Variants in PTPN9 observed in about 807,000 individuals in gnomAD.
PTPN9 encodes the protein protein tyrosine phosphatase non-receptor type 9.
A neutral mutation model predicts 69.8 loss-of-function variants in PTPN9; 26 were observed. That is an observed-to-expected ratio of 0.37 (90% CI 0.27 to 0.52). The LOEUF is 0.52. Among genes scored for constraint, PTPN9 ranks in the 20% least tolerant of loss-of-function variants. PTPN9 has a pLI of 0.91. For missense variants in PTPN9, 549 were observed against 740.3 expected (o/e 0.74, Z 3.00); for synonymous variants, 274 against 272.5 (o/e 1.01, Z -0.05).
At chr15:75,484,214 A>G (rs1398026009) in intron 8 of PTPN9, among the ~76,000 whole-genome samples, 4 of 152,140 alleles carry the variant, frequency 2.6e-5, no homozygotes, top group Non-Finnish European at 5.9e-5. Flanking sequence ...GAACTATATA[A>G]CTCAATAGAA....
In PTPN9 at chr15:75,473,686, C is replaced by G. The variant is rs772438322; in HGVS notation, c.1208+3G>C. 6.4e-7 allele frequency: 1 copy of G among 1,550,994 alleles called. No homozygotes were observed. Among genetic ancestry groups the G allele is most frequent in the Non-Finnish European group, 8.9e-7 (1 of 1,122,582 alleles). On this transcript the variant is annotated splice_donor_region_variant and intron_variant, in intron 10 of 12. Transcript: ENST00000618819. The stretch of plus-strand genomic sequence containing the variant: ...GACCTTTGGAAAAAAGGGATTAACT[C>G]ACCGGGTGGTCATGACAATCACCAA...
intron 4 of PTPN9, among the ~76,000 whole-genome samples, chr15:75,521,417 A>T (rs1367141540): frequency 1.3e-5 from 2 of 151,910 alleles, no homozygotes; most frequent in African/African-American, 4.8e-5. Flanking sequence ...GCGCCACTGC[A>T]CTCCAGCCTG....
At chr15:75,502,463 AGAG>A (rs1171609628) in intron 7 of PTPN9, among the ~76,000 whole-genome samples, 1 of 152,014 alleles carries the variant, frequency 6.6e-6, no homozygotes, top group South Asian at 2.1e-4. Flanking sequence ...GAAAAAAAAA[AGAG>A]AGGGAGGGAG....
At chr15:75,493,479 G>GAAAATAT (rs1204985057) in intron 7 of PTPN9, among the ~76,000 whole-genome samples, 4 of 151,998 alleles carry the variant, frequency 2.6e-5, no homozygotes, top group South Asian at 2.1e-4. Context: ...GAGAAAAACT[G>GAAAATAT]GCCAGGCACA....
At chr15:75,486,394 C>T (rs1475500693) in intron 8 of PTPN9, among the ~76,000 whole-genome samples, 1 of 152,164 alleles carries the variant, frequency 6.6e-6, no homozygotes, top group African/African-American at 2.4e-5. Flanking sequence ...CTCCCTCACC[C>T]CTTCCCCTTC....
chr15:75,554,497 A>C (rs1256919100), intron 1 of PTPN9, among the ~76,000 whole-genome samples: 1 of 151,614 alleles, frequency 6.6e-6, no homozygotes, highest in Non-Finnish European at 1.5e-5. Context: ...CCTGGCCTTT[A>C]AAATTTTTTT....
chr15:75,576,144 AT>A (rs2075172058), intron 1 of PTPN9, among the ~76,000 whole-genome samples: 1 of 151,518 alleles, frequency 6.6e-6, no homozygotes, highest in African/African-American at 2.4e-5. Flanking sequence ...AGGCAGGAGA[AT>A]CGCTTGAATC....
intron 1 of PTPN9, among the ~76,000 whole-genome samples, chr15:75,571,396 C>A (rs1267169443): frequency 1.3e-5 from 2 of 151,986 alleles, no homozygotes; most frequent in Non-Finnish European, 2.9e-5. Flanking sequence ...GTCTAAATAA[C>A]ATAAACTTTA....
intron 1 of PTPN9, among the ~76,000 whole-genome samples, chr15:75,530,214 A>AAG (rs1555455965): frequency 5.5e-5 from 8 of 144,348 alleles, no homozygotes; most frequent in African/African-American, 2.0e-4. Flanking sequence ...AAAAAAAAAA[A>AAG]AAAAGAAAAG....
At chr15:75,568,896 C>A (rs531915503) in intron 1 of PTPN9, among the ~76,000 whole-genome samples, 2 of 152,176 alleles carry the variant, frequency 1.3e-5, no homozygotes, top group East Asian at 3.9e-4. Context: ...GGTTAGGTTC[C>A]TAAGGGGCCT....
intron 10 of PTPN9, among the ~76,000 whole-genome samples, chr15:75,471,181 A>ATC (rs2074562394): frequency 6.6e-6 from 1 of 152,192 alleles, no homozygotes; most frequent in African/African-American, 2.4e-5. Context: ...CATGCCTGTA[A>ATC]TCCCAGCTAC....
In PTPN9 at chr15:75,479,854, T is replaced by G; in HGVS notation, c.1123A>C (p.Thr375Pro). ...GYKQKNAYIG[T>P]QGPLENTYRD... ...GAGGGACGGACCAGCTTACCTTGTG[T>G]GCCAATGTAAGCATTCTTCTGCTTG... The change falls in exon 9 of 13, where the codon ACA (threonine) becomes CCA (proline). Residue 375 changes from threonine to proline, a missense_variant. Thr to Pro is a conservative substitution (Grantham distance 38, BLOSUM62 -1). Around this residue, in one of 3 missense-constraint regions of PTPN9, gnomAD observed 457 missense variants for 661.9 expected, o/e 0.69. Transcript: ENST00000618819. The G allele has an allele frequency of 6.2e-7, 1 of 1,608,440 alleles. No homozygotes were observed. The highest frequency in any genetic ancestry group is 8.5e-7 in the Non-Finnish European group (1 of 1,176,766).
intron 1 of PTPN9, among the ~76,000 whole-genome samples, chr15:75,563,075 G>A (rs906183088): frequency 1.3e-5 from 2 of 151,872 alleles, no homozygotes; most frequent in Admixed American, 6.6e-5. Context: ...TTTGATCCTC[G>A]CCCTCCTCCC....
intron 1 of PTPN9, among the ~76,000 whole-genome samples, chr15:75,576,290 G>A (rs1193526124): frequency 6.6e-6 from 1 of 152,080 alleles, no homozygotes; most frequent in Non-Finnish European, 1.5e-5. Flanking sequence ...CCAACACTTT[G>A]GGAGGCCAAG....
chr15:75,563,449 A>G (rs1379130096), intron 1 of PTPN9, among the ~76,000 whole-genome samples: 1 of 152,182 alleles, frequency 6.6e-6, no homozygotes, highest in Non-Finnish European at 1.5e-5. Flanking sequence ...CAGCCTCCCA[A>G]AGTGCTGGGA....
At chr15:75,560,723 T>C (rs918105015) in intron 1 of PTPN9, among the ~76,000 whole-genome samples, 1 of 151,958 alleles carries the variant, frequency 6.6e-6, no homozygotes, top group Non-Finnish European at 1.5e-5. Flanking sequence ...GTTGCTGTTG[T>C]TGTTAATTAC....
chr15:75,513,564 C>G (rs541183325), intron 5 of PTPN9: 20 of 358,034 alleles, frequency 5.6e-5, no homozygotes, highest in Non-Finnish European at 1.0e-4. Context: ...GTCAGGAGTT[C>G]GAGACCAGCC....
intron 3 of PTPN9, among the ~76,000 whole-genome samples, chr15:75,523,995 A>G (rs1456509101): frequency 1.3e-5 from 2 of 151,992 alleles, no homozygotes; most frequent in Non-Finnish European, 2.9e-5. Flanking sequence ...TAAGAGATAT[A>G]CCTAATGCTA....
intron 8 of PTPN9, among the ~76,000 whole-genome samples, chr15:75,484,774 C>A (rs2074664303): frequency 6.6e-6 from 1 of 152,188 alleles, no homozygotes; most frequent in East Asian, 1.9e-4. Flanking sequence ...AGAGGTCAGA[C>A]TGACTCTTTC....
Sources: gnomAD v4.1 joint callset for allele counts (sites outside exome capture counted in the v4.1 genomes callset) on GRCh38, gnomAD v4.1.1 for gene constraint, gnomAD v4.1.1 regional missense constraint, MANE v1.5 for transcripts, NCBI Gene and HGNC (gene_info 2026-07-23, HGNC 2026-07-21) for gene names.